POC1B: variants seen among roughly 807,000 people sequenced by gnomAD.
POC1B encodes POC1 centriolar protein homolog B.
POC1B carries 44 observed loss-of-function variants against 60.6 expected under a neutral mutation model. The observed-to-expected ratio is 0.73, with a 90% CI of 0.57 to 0.93. POC1B has a LOEUF of 0.93. Ranked by LOEUF, POC1B falls within the 40% of genes least tolerant of loss-of-function variation. The pLI, the probability that POC1B is intolerant of heterozygous loss-of-function variation, is 0.00. For missense variants in POC1B, 555 were observed against 572.3 expected (o/e 0.97, Z 0.31); for synonymous variants, 180 against 198.9 (o/e 0.90, Z 0.80).
At chr12:89,494,198 C>T (rs1442196683) in intron 3 of POC1B, among the ~76,000 whole-genome samples, 1 of 151,540 alleles carries the variant, frequency 6.6e-6, no homozygotes, top group Non-Finnish European at 1.5e-5. Flanking sequence ...CATCACCATG[C>T]CCAGCTAATT....
chr12:89,460,547 A>G (rs187244122), intron 9 of POC1B, among the ~76,000 whole-genome samples: 2 of 152,314 alleles, frequency 1.3e-5, no homozygotes, highest in Admixed American at 1.3e-4. Flanking sequence ...GTAATGGCCA[A>G]AAAACTATTG....
rs535891630 is a variant in POC1B, at chr12:89,438,050, CAA to C, written c.1114-12673_1114-12672del. On this transcript the variant is annotated intron_variant, in intron 10 of 11. Coordinates refer to ENST00000313546, the MANE Select transcript of POC1B (RefSeq NM_172240.3). ...TGGGCGACAGAGTGAGAAACCGTCT[CAA>C]AAAAAAAAAAAAAATTAAAAAATCT... 6.5e-3 allele frequency among the ~76,000 whole-genome samples: 808 copies of C among 124,416 alleles called. 7 individuals are homozygous for C. The highest frequency in any genetic ancestry group is 0.041 in the Middle Eastern group (9 of 220). The allele number at this position is 124,416 out of a possible 152,430, so 81.6% of individuals were successfully genotyped here. A position where few individuals can be genotyped will look rare whatever the true frequency, so the allele number is the denominator to read the frequency against.
At chr12:89,523,665 G>A in intron 2 of POC1B, 1 of 1,537,992 alleles carries the variant, frequency 6.5e-7, no homozygotes, top group Non-Finnish European at 8.7e-7. Context: ...ATATCCGCCT[G>A]TCCCTTTCCT....
chr12:89,525,099 C>T (rs1297399992), intron 2 of POC1B, 21 bp downstream of exon 2: 5 of 1,613,844 alleles, frequency 3.1e-6, no homozygotes, highest in Non-Finnish European at 4.2e-6. Flanking sequence ...ATTACAAAAG[C>T]AAAACAAGAA....
At chr12:89,452,524 T>A (rs1186854626) in intron 10 of POC1B, among the ~76,000 whole-genome samples, 1 of 152,144 alleles carries the variant, frequency 6.6e-6, no homozygotes, top group Non-Finnish European at 1.5e-5. Context: ...GGACTATTTT[T>A]AAAAACTTTA....
chr12:89,428,527 T>C (rs1241980882), intron 10 of POC1B: 3 of 152,230 alleles, frequency 2.0e-5, no homozygotes, highest in Admixed American at 1.3e-4. Flanking sequence ...AGCAGAAGCT[T>C]GAATATTTTA....
At chr12:89,500,987 T>C (rs1592631301) in intron 2 of POC1B, 3 of 918,634 alleles carry the variant, frequency 3.3e-6, no homozygotes, top group East Asian at 2.5e-5. Context: ...CTCCCGATGA[T>C]ATGAAGTTGA....
intron 4 of POC1B, 64 bp from the exon 5 acceptor site, chr12:89,472,339 T>C (rs1592610068): frequency 9.6e-7 from 1 of 1,045,776 alleles, no homozygotes; most frequent in African/African-American, 1.6e-5. Flanking sequence ...ACCTCACCTC[T>C]ACACCACAAA....
At chr12:89,463,824 G>C (rs1367705681) in intron 9 of POC1B, among the ~76,000 whole-genome samples, 1 of 152,120 alleles carries the variant, frequency 6.6e-6, no homozygotes, top group Non-Finnish European at 1.5e-5. Context: ...GTAGGAATTA[G>C]TAATTTATAC....
At position 89,420,882 on chromosome 12, in the gene POC1B, G is replaced by A. The variant is rs1259261639; in HGVS notation, c.*271C>T. On this transcript the variant is annotated 3_prime_UTR_variant, in exon 12 of 12. Coordinates refer to ENST00000313546, the MANE Select transcript of POC1B (RefSeq NM_172240.3). Reference sequence around the variant, plus strand: ...AAATGGACATTTAAAATAATATGGGGAAAATACAGAGTTGCTTGAATGCTT... The same window carrying A: ...AAATGGACATTTAAAATAATATGGGAAAAATACAGAGTTGCTTGAATGCTT... The A allele has an allele frequency of 1.3e-5, 4 of 305,444 alleles. No homozygotes were observed. The highest frequency in any genetic ancestry group is 2.1e-5 in the African/African-American group (1 of 46,628). 18.9% of individuals were successfully genotyped at this position (305,444 alleles called of 1,614,324 possible). A position where few individuals can be genotyped will look rare whatever the true frequency, so the allele number is the denominator to read the frequency against.
intron 2 of POC1B, among the ~76,000 whole-genome samples, chr12:89,513,687 G>A (rs914499934): frequency 2.6e-5 from 4 of 152,142 alleles, no homozygotes; most frequent in African/African-American, 4.8e-5. Flanking sequence ...CCCAGGCTGC[G>A]AACTGGTTCT....
intron 2 of POC1B, chr12:89,522,361 AAAAG>A (rs1168900359): frequency 1.0e-5 from 4 of 393,184 alleles, no homozygotes; most frequent in East Asian, 3.6e-5. Flanking sequence ...TGCTGGCTAA[AAAAG>A]AAATACAAAT....
chr12:89,510,220 G>C (rs1870113513), intron 2 of POC1B, among the ~76,000 whole-genome samples: 1 of 152,102 alleles, frequency 6.6e-6, no homozygotes, highest in Non-Finnish European at 1.5e-5. Flanking sequence ...ACTTCCTTTT[G>C]TTCTTTGGTA....
intron 2 of POC1B, chr12:89,524,598 A>T (rs945233737): frequency 1.3e-6 from 2 of 1,594,404 alleles, no homozygotes; most frequent in African/African-American, 2.7e-5. Context: ...GCCACCACGC[A>T]GGGGAAGGGC....
intron 10 of POC1B, among the ~76,000 whole-genome samples, chr12:89,447,875 A>G (rs149334990): frequency 6.9e-4 from 105 of 152,232 alleles, no homozygotes; most frequent in African/African-American, 2.4e-3. Context: ...TGTAACACAT[A>G]CAGCTCTATG....
rs1471888909 is a variant in POC1B, at chr12:89,480,605, T to A, written c.453-8330A>T. On this transcript the variant is annotated intron_variant, in intron 4 of 11. Transcript: ENST00000313546. ...CTGGCTAATTTTTGTATTTTTTTTT[T>A]TTTTTTTTTTTTTTGAGACGGAGTC... is the stretch of plus-strand genomic sequence containing the variant. Among the ~76,000 whole-genome samples, 597 of 139,358 alleles carry A rather than the reference T, an allele frequency of 4.3e-3. 5 individuals are homozygous for A. Among genetic ancestry groups the A allele is most frequent in the Middle Eastern group, 0.031 (9 of 286 alleles). 91.4% of individuals were successfully genotyped at this position (139,358 alleles called of 152,430 possible).
intron 10 of POC1B, among the ~76,000 whole-genome samples, chr12:89,446,473 A>C (rs1358412305): frequency 1.3e-5 from 2 of 152,186 alleles, no homozygotes; most frequent in Non-Finnish European, 2.9e-5. Context: ...GAAGGTGGAA[A>C]CCATCATTCT....
intron 2 of POC1B, among the ~76,000 whole-genome samples, chr12:89,505,733 A>G (rs1339732062): frequency 2.0e-5 from 3 of 152,250 alleles, no homozygotes; most frequent in Admixed American, 6.5e-5. Flanking sequence ...CAATGCTTCA[A>G]TAAAACATTT....
At chr12:89,477,147 A>C (rs1318801778) in intron 4 of POC1B, among the ~76,000 whole-genome samples, 1 of 152,206 alleles carries the variant, frequency 6.6e-6, no homozygotes, top group Non-Finnish European at 1.5e-5. Flanking sequence ...CACAGACTCT[A>C]AAAATTTGGC....
Sources: gnomAD v4.1 joint callset for allele counts (sites outside exome capture counted in the v4.1 genomes callset) on GRCh38, gnomAD v4.1.1 for gene constraint, MANE v1.5 for transcripts, NCBI Gene and HGNC (gene_info 2026-07-23, HGNC 2026-07-21) for gene names.